The following TSGA10 variants were observed in gnomAD, a reference collection of about 807,000 sequenced individuals.
TSGA10 encodes the protein testis-specific gene 10 protein.
Under a neutral mutation model 96.6 loss-of-function variants are expected in TSGA10, and 43 were observed. That is an observed-to-expected ratio of 0.44 (90% CI 0.35 to 0.57). The LOEUF (loss-of-function observed/expected upper bound fraction) is 0.57. TSGA10 is among the 20% of genes least tolerant of loss of function. The pLI is 0.01. For missense variants in TSGA10, 703 were observed against 834.4 expected (o/e 0.84, Z 1.94); for synonymous variants, 229 against 269.9 (o/e 0.85, Z 1.48).
intron 20 of TSGA10, among the ~76,000 whole-genome samples, chr2:99,010,732 T>G (rs527659263): frequency 6.6e-6 from 1 of 152,290 alleles, no homozygotes; most frequent in South Asian, 2.1e-4. Flanking sequence ...GGCACAAATT[T>G]TCTTGAGCAG....
intron 20 of TSGA10, among the ~76,000 whole-genome samples, chr2:99,008,107 A>G (rs904056289): frequency 3.9e-5 from 6 of 152,222 alleles, no homozygotes; most frequent in African/African-American, 1.4e-4. Context: ...TACAAGTACT[A>G]AAAGAAAACA....
At chr2:99,095,654 A>G (rs1473604720) in intron 10 of TSGA10, among the ~76,000 whole-genome samples, 1 of 152,242 alleles carries the variant, frequency 6.6e-6, no homozygotes, top group South Asian at 2.1e-4. Context: ...CAGAAATACA[A>G]AAGATCAGAC....
chr2:99,107,005 G>A (rs1014240191), intron 7 of TSGA10, among the ~76,000 whole-genome samples: 4 of 152,098 alleles, frequency 2.6e-5, no homozygotes, highest in African/African-American at 9.7e-5. Context: ...ACAGTCTGAT[G>A]GCAATTACGA....
At chr2:99,090,631 G>C (rs1179632804) in intron 10 of TSGA10, among the ~76,000 whole-genome samples, 1 of 152,082 alleles carries the variant, frequency 6.6e-6, no homozygotes, top group Non-Finnish European at 1.5e-5. Flanking sequence ...AAAATGCACT[G>C]GAAAGTCTCA....
At chr2:99,098,567 A>G (rs973741206) in intron 10 of TSGA10, among the ~76,000 whole-genome samples, 2 of 151,170 alleles carry the variant, frequency 1.3e-5, no homozygotes, top group African/African-American at 4.8e-5. Context: ...AGGAAAGGAA[A>G]TAATAAGAAC....
intron 17 of TSGA10, among the ~76,000 whole-genome samples, chr2:99,027,289 T>A (rs890172363): frequency 1.3e-5 from 2 of 152,152 alleles, no homozygotes; most frequent in African/African-American, 4.8e-5. Context: ...CTAAATGAAA[T>A]AAGCCAGGCA....
chr2:99,094,904 T>C (rs1194760044), intron 10 of TSGA10, among the ~76,000 whole-genome samples: 4 of 152,172 alleles, frequency 2.6e-5, no homozygotes, highest in African/African-American at 9.7e-5. Flanking sequence ...ACTGAGTGTC[T>C]ACCCAGAGGA....
intron 4 of TSGA10, among the ~76,000 whole-genome samples, chr2:99,113,795 C>T (rs2092015475): frequency 6.6e-6 from 1 of 152,226 alleles, no homozygotes; most frequent in Non-Finnish European, 1.5e-5. Context: ...GATCTGCCTG[C>T]CTTGGCCTCC....
At chr2:99,008,818 A>G (rs1386382848) in intron 20 of TSGA10, among the ~76,000 whole-genome samples, 1 of 152,230 alleles carries the variant, frequency 6.6e-6, no homozygotes, top group Non-Finnish European at 1.5e-5. Context: ...ACATCCATAC[A>G]CTGGAGTAGT....
chr2:99,007,547 A>C (rs1306665786), intron 20 of TSGA10, among the ~76,000 whole-genome samples: 1 of 152,224 alleles, frequency 6.6e-6, no homozygotes, highest in Non-Finnish European at 1.5e-5. Context: ...ACATTCCATG[A>C]TGAAGAATGA....
chr2:99,115,478 A>G (rs1053629780), intron 4 of TSGA10, among the ~76,000 whole-genome samples: 2 of 152,166 alleles, frequency 1.3e-5, no homozygotes, highest in African/African-American at 4.8e-5. Context: ...TCAAAAGTTA[A>G]AAACAAATCA....
chr2:99,150,777 G>A, intron 1 of TSGA10: 1 of 1,611,844 alleles, frequency 6.2e-7, no homozygotes, highest in Non-Finnish European at 8.5e-7. Context: ...GGAAAGCCTT[G>A]GGTTCAGTGG....
chr2:99,127,677 T>A (rs964334637), intron 1 of TSGA10, among the ~76,000 whole-genome samples: 1 of 150,228 alleles, frequency 6.7e-6, no homozygotes, highest in Non-Finnish European at 1.5e-5. Context: ...AATATTAAGA[T>A]GTTCAATCTC....
intron 20 of TSGA10, among the ~76,000 whole-genome samples, chr2:99,013,711 G>C (rs2079219937): frequency 6.6e-6 from 1 of 151,784 alleles, no homozygotes; most frequent in African/African-American, 2.4e-5. Flanking sequence ...AAAATACATG[G>C]ACATTAAATA....
At chr2:99,114,114 C>T (rs755780102) in intron 4 of TSGA10, among the ~76,000 whole-genome samples, 13 of 152,094 alleles carry the variant, frequency 8.5e-5, no homozygotes, top group South Asian at 6.2e-4. Context: ...ATCTCAATTC[C>T]AGACAAACTA....
chr2:99,096,293 A>G (rs1294770703), intron 10 of TSGA10, among the ~76,000 whole-genome samples: 1 of 152,218 alleles, frequency 6.6e-6, no homozygotes, highest in Non-Finnish European at 1.5e-5. Flanking sequence ...CATGTTTTTT[A>G]TGTCTTGGCA....
At chr2:99,052,172 A>G (rs951253178) in intron 16 of TSGA10, among the ~76,000 whole-genome samples, 9 of 151,946 alleles carry the variant, frequency 5.9e-5, no homozygotes, top group Non-Finnish European at 1.2e-4. Context: ...AAAAAATAGT[A>G]GAAAATATCA....
chr2:99,071,898 A>T (rs766021131), intron 13 of TSGA10, 24 bp from the exon 14 acceptor site: 1 of 1,578,904 alleles, frequency 6.3e-7, no homozygotes, highest in Admixed American at 1.8e-5. Context: ...CAAAGAGTAC[A>T]TAAGAAGAGA....
At chr2:99,105,866 T>C (rs1485245565) in intron 7 of TSGA10, among the ~76,000 whole-genome samples, 169 bp from the exon 8 acceptor site, 1 of 152,196 alleles carries the variant, frequency 6.6e-6, no homozygotes, top group Non-Finnish European at 1.5e-5. Flanking sequence ...TGAAAATGAA[T>C]ATATTTAAAT....
Sources: gnomAD v4.1 joint callset for allele counts (sites outside exome capture counted in the v4.1 genomes callset) on GRCh38, gnomAD v4.1.1 for gene constraint, MANE v1.5 for transcripts, NCBI Gene and HGNC (gene_info 2026-07-23, HGNC 2026-07-21) for gene names.